Variants in PC observed in about 807,000 individuals in gnomAD.
PC encodes the protein pyruvate carboxylase, mitochondrial.
A neutral mutation model predicts 107.8 loss-of-function variants in PC; 46 were observed. The observed-to-expected ratio is 0.43, with a 90% CI of 0.34 to 0.55. PC has a LOEUF of 0.55. PC is among the 20% of genes least tolerant of loss of function. PC has a pLI of 0.04. For missense variants in PC, 1,241 were observed against 1,643.1 expected, an observed-to-expected ratio of 0.76 and a Z score of 4.23; for synonymous variants, 662 against 684.7, an observed-to-expected ratio of 0.97 and a Z score of 0.52.
At chr11:66,876,905 G>A (rs888852042) in intron 3 of PC, among the ~76,000 whole-genome samples, 4 of 152,310 alleles carry the variant, frequency 2.6e-5, no homozygotes, top group South Asian at 2.1e-4. Context: ...AAACACAAGT[G>A]GCTCTTGAAC....
In PC at chr11:66,870,516, A is replaced by T; in HGVS notation, c.752-63T>A. On this transcript the variant is annotated intron_variant, in intron 8 of 22. Transcript: ENST00000393960. This position sits in a 1 kb window ranked among gnomAD's most constrained non-coding sequence, Gnocchi z 6.1. ...AATCTACACGCCTCCTAAATGCCCC[A>T]TCACCCCCACATAACCACTGTCGCC... 6.4e-7 allele frequency: 1 copy of T among 1,571,026 alleles called. No homozygotes were observed. Among genetic ancestry groups the T allele is most frequent in the South Asian group, 1.1e-5 (1 of 89,834 alleles).
At chr11:66,879,656 C>T (rs1312072451) in intron 3 of PC, among the ~76,000 whole-genome samples, 1 of 152,238 alleles carries the variant, frequency 6.6e-6, no homozygotes, top group Non-Finnish European at 1.5e-5. Flanking sequence ...GGCCTAGAAG[C>T]TGGCATGGGC....
Position 66,857,681 on chromosome 11 carries a change from A to G in PC, c.1369-4298T>C. 1.3e-6 allele frequency: 2 copies of G among 1,509,718 alleles called. No individual in the cohort carries two copies. The highest frequency in any genetic ancestry group is 1.8e-6 in the Non-Finnish European group (2 of 1,128,712). 93.5% of individuals were successfully genotyped at this position (1,509,718 alleles called of 1,614,324 possible). The stretch of plus-strand genomic sequence containing the variant: ...GGCTTCTGGGACTGTCCTGGGCCCA[A>G]GTGGGCACCTGCGCCAGCCCCACCT... On this transcript the variant is annotated intron_variant, in intron 12 of 22. Coordinates refer to ENST00000393960, the MANE Select transcript of PC (RefSeq NM_001040716.2). This position sits in a 1 kb window ranked among gnomAD's most constrained non-coding sequence, Gnocchi z 7.1.
At chr11:66,936,268 G>A (rs181884192) in intron 3 of PC, among the ~76,000 whole-genome samples, 8 of 144,280 alleles carry the variant, frequency 5.5e-5, no homozygotes, top group South Asian at 2.1e-4. Context: ...AAAAAAAGGT[G>A]GGGGGGGAGA....
intron 12 of PC, among the ~76,000 whole-genome samples, chr11:66,855,176 C>T (rs1405598063): frequency 6.6e-6 from 1 of 152,220 alleles, no homozygotes; most frequent in Non-Finnish European, 1.5e-5. Flanking sequence ...TGAGTCTCCC[C>T]TTTGTGACTG....
chr11:66,910,245 G>C (rs1283283354), intron 3 of PC, among the ~76,000 whole-genome samples: 1 of 152,078 alleles, frequency 6.6e-6, no homozygotes, highest in Non-Finnish European at 1.5e-5. Flanking sequence ...GGAGGTTCCA[G>C]GTGGAGAACG....
Position 66,913,011 on chromosome 11 carries a change from C to T in PC, c.-1+39419G>A, listed in dbSNP as rs557111182. Among the ~76,000 whole-genome samples the T allele has an allele frequency of 1.9e-3, 282 of 152,346 alleles. 1 individual carries two copies. The highest frequency in any genetic ancestry group is 6.6e-3 in the African/African-American group (274 of 41,572). ...CCAGCAACCCACACGAGACCCCAAG[C>T]TGGCTCAAAGCCCATTCCTCACAGG... On this transcript the variant is annotated intron_variant, in intron 3 of 22. Coordinates refer to ENST00000393960, the MANE Select transcript of PC (RefSeq NM_001040716.2).
chr11:66,908,082 G>A (rs961715002), intron 3 of PC, among the ~76,000 whole-genome samples: 3 of 152,268 alleles, frequency 2.0e-5, no homozygotes, highest in East Asian at 3.9e-4. Context: ...CTGGAAGAGC[G>A]GCGGTCAAAA....
intron 3 of PC, among the ~76,000 whole-genome samples, chr11:66,951,646 C>CT (rs1949440611): frequency 6.6e-6 from 1 of 152,038 alleles, no homozygotes; most frequent in African/African-American, 2.4e-5. Context: ...AATCCCAGCA[C>CT]TTTGAGGGGC....
At chr11:66,849,199 A>C (rs762322442) in intron 22 of PC, 31 bp downstream of exon 22, 1 of 1,613,654 alleles carries the variant, frequency 6.2e-7, no homozygotes, top group South Asian at 1.1e-5. Flanking sequence ...GCCAAGCCCC[A>C]CCGCCTGGCT....
Position 66,858,110 on chromosome 11 carries a change from G to A in PC, c.1369-4727C>T. The A allele has an allele frequency of 6.2e-7, 1 of 1,610,578 alleles. No homozygotes were observed. The highest frequency in any genetic ancestry group is 8.5e-7 in the Non-Finnish European group (1 of 1,178,906). ...GGAGCCTCCGGGGCCCCGTCAATCT[G>A]CAGCACCTCATCCTCAGCGGCAACC... is the stretch of plus-strand genomic sequence containing the variant. On this transcript the variant is annotated intron_variant, in intron 12 of 22. Transcript: ENST00000393960. The surrounding 1 kb of genome is among the most constrained non-coding windows in gnomAD (Gnocchi z 5.9).
intron 3 of PC, among the ~76,000 whole-genome samples, chr11:66,884,839 G>A (rs959471430): frequency 2.0e-5 from 3 of 152,212 alleles, no homozygotes; most frequent in African/African-American, 7.2e-5. Flanking sequence ...GGGCGACAGA[G>A]GCTAGGGGCA....
intron 12 of PC, among the ~76,000 whole-genome samples, chr11:66,854,272 C>T (rs1180431595): frequency 1.3e-5 from 2 of 152,272 alleles, no homozygotes; most frequent in African/African-American, 4.8e-5. Flanking sequence ...CACCTTTGCA[C>T]CTGCCTGGGA....
At position 66,858,296 on chromosome 11, in the gene PC, G is replaced by A. The variant is rs371568797; in HGVS notation, c.1369-4913C>T. The A allele has an allele frequency of 2.5e-6, 4 of 1,610,988 alleles. No homozygotes were observed. Among genetic ancestry groups the A allele is most frequent in the Non-Finnish European group, 3.4e-6 (4 of 1,179,854 alleles). Reference sequence around the variant, plus strand: ...TGGACCATAACCTTATTGACGCACTGCCCCCAGGCGCCTTCGCCCAGCTCG... The same window carrying A: ...TGGACCATAACCTTATTGACGCACTACCCCCAGGCGCCTTCGCCCAGCTCG... On this transcript the variant is annotated intron_variant, in intron 12 of 22. Coordinates refer to ENST00000393960, the MANE Select transcript of PC (RefSeq NM_001040716.2). The surrounding 1 kb of genome is among the most constrained non-coding windows in gnomAD (Gnocchi z 5.9).
chr11:66,946,008 C>A lies in PC; in HGVS notation c.-1+6422G>T, dbSNP rs950675117. ...GGCTGAGGCAGGAGAATGGCGTGAA[C>A]CCGGGAAGCGAAGCTTGCAGTGAGC... On this transcript the variant is annotated intron_variant, in intron 3 of 22. Coordinates refer to ENST00000393960, the MANE Select transcript of PC (RefSeq NM_001040716.2). Among the ~76,000 whole-genome samples the A allele has an allele frequency of 2.0e-4, 30 of 150,284 alleles. No homozygotes were observed. In the South Asian group the frequency reaches 2.1e-3, roughly 10 times the overall value.
Position 66,858,894 on chromosome 11 carries a change from C to A in PC, c.1368+4880G>T. On this transcript the variant is annotated intron_variant, in intron 12 of 22. Coordinates refer to ENST00000393960, the MANE Select transcript of PC (RefSeq NM_001040716.2). This position sits in a 1 kb window ranked among gnomAD's most constrained non-coding sequence, Gnocchi z 5.9. ...GAACAGCAGTGCCGAGGGGGGCCGC[C>A]CCGGGCCCTCGGACATCGCCGCCTC... The A allele has an allele frequency of 6.4e-7, 1 of 1,561,098 alleles. No homozygotes were observed. The highest frequency in any genetic ancestry group is 8.7e-7 in the Non-Finnish European group (1 of 1,152,284).
chr11:66,917,953 T>C (rs997959722), intron 3 of PC, among the ~76,000 whole-genome samples: 2 of 152,140 alleles, frequency 1.3e-5, no homozygotes, highest in African/African-American at 4.8e-5. Context: ...AACTGGAAGC[T>C]GGTTAGCTTT....
At chr11:66,932,083 C>G (rs780430308) in intron 3 of PC, among the ~76,000 whole-genome samples, 3 of 151,488 alleles carry the variant, frequency 2.0e-5, no homozygotes, top group Non-Finnish European at 2.9e-5. Flanking sequence ...AAAGGGCAGA[C>G]CACCTCCAAG....
At chr11:66,905,403 T>C (rs894086888) in intron 3 of PC, among the ~76,000 whole-genome samples, 1 of 152,186 alleles carries the variant, frequency 6.6e-6, no homozygotes, top group African/African-American at 2.4e-5. Flanking sequence ...AAGCTGACTC[T>C]GTTCAGGGTC....
Sources: allele counts gnomAD v4.1 joint callset (sites outside exome capture counted in the v4.1 genomes callset), GRCh38; gene constraint gnomAD v4.1.1; non-coding constraint Gnocchi (gnomAD v3.1); transcripts MANE v1.5; gene names NCBI Gene and HGNC (gene_info 2026-07-23, HGNC 2026-07-21).